The following RIN2 variants were observed in gnomAD, a reference collection of about 807,000 sequenced individuals.
RIN2 encodes Ras and Rab interactor 2, also known as RAB5 interacting protein 2.
RIN2 carries 36 observed loss-of-function variants against 78.0 expected under a neutral mutation model. The ratio of observed to expected loss-of-function variants is 0.46; its 90% CI spans 0.35 to 0.61. The LOEUF (loss-of-function observed/expected upper bound fraction) is 0.61, where lower values mean the gene tolerates loss of function less well. Among genes scored for constraint, RIN2 ranks in the 20% least tolerant of loss-of-function variants. The pLI is 0.00. For missense variants in RIN2, 1,087 were observed against 1,159.7 expected, an observed-to-expected ratio of 0.94 and a Z score of 0.91; for synonymous variants, 466 against 466.8, an observed-to-expected ratio of 1.00 and a Z score of 0.02.
chr20:19,982,795 C>T (rs962177293), intron 9 of RIN2, among the ~76,000 whole-genome samples: 3 of 152,158 alleles, frequency 2.0e-5, no homozygotes, highest in Non-Finnish European at 2.9e-5. Flanking sequence ...AATTGATGCC[C>T]GTCCACCTCC....
chr20:19,904,409 G>C (rs2039131103), intron 3 of RIN2, among the ~76,000 whole-genome samples: 1 of 151,978 alleles, frequency 6.6e-6, no homozygotes, highest in Admixed American at 6.6e-5. Context: ...ATGCGGTGCT[G>C]GGGGAAGCAA....
At chr20:19,855,119 T>A (rs2037122969) in intron 2 of RIN2, among the ~76,000 whole-genome samples, 1 of 152,242 alleles carries the variant, frequency 6.6e-6, no homozygotes, top group South Asian at 2.1e-4. Context: ...AAAGGCCTTT[T>A]CTGCATCTAT....
chr20:19,960,914 C>T (rs2146258935), intron 6 of RIN2, 103 bp downstream of exon 6: 2 of 696,288 alleles, frequency 2.9e-6, no homozygotes, highest in Middle Eastern at 2.7e-4. Context: ...CAGATATGGG[C>T]CTGAGTCTTG....
At chr20:19,903,343 C>T (rs2039071992) in intron 3 of RIN2, among the ~76,000 whole-genome samples, 1 of 152,120 alleles carries the variant, frequency 6.6e-6, no homozygotes, top group African/African-American at 2.4e-5. Context: ...GTGGTTTCAG[C>T]ATCCTGGTTT....
At chr20:19,923,454 T>TAAAATAAAATAAA (rs1443098771) in intron 3 of RIN2, among the ~76,000 whole-genome samples, 2 of 128,482 alleles carry the variant, frequency 1.6e-5, no homozygotes, top group African/African-American at 6.9e-5. Context: ...TAAAATAAAA[T>TAAAATAAAATAAA]AAAATAAAAT....
rs375646226 is a variant in RIN2, at chr20:19,964,331, A to G, written c.464-621A>G. 1.8e-4 allele frequency among the ~76,000 whole-genome samples: 27 copies of G among 152,038 alleles called. No homozygotes were observed. In the East Asian group the frequency reaches 5.2e-3, roughly 29 times the overall value. On this transcript the variant is annotated intron_variant, in intron 6 of 12. Coordinates refer to ENST00000255006, the MANE Select transcript of RIN2 (RefSeq NM_018993.4). ...CGCTATAATGCCCAGACTGGTCTCA[A>G]ACTCCTGGGCTCAAGAGATCTCCCT...
chr20:19,865,662 T>G (rs1012494722), intron 2 of RIN2, among the ~76,000 whole-genome samples: 2 of 151,936 alleles, frequency 1.3e-5, no homozygotes, highest in African/African-American at 4.8e-5. Flanking sequence ...TAATTTTTAT[T>G]TTTTATTTTT....
At chr20:19,761,828 A>C (rs1208563222) in intron 1 of RIN2, among the ~76,000 whole-genome samples, 1 of 152,182 alleles carries the variant, frequency 6.6e-6, no homozygotes, top group Non-Finnish European at 1.5e-5. Flanking sequence ...CAGCCTCTGG[A>C]GAGCACTGCC....
chr20:19,949,649 T>A (rs996391022), intron 4 of RIN2, among the ~76,000 whole-genome samples: 3 of 152,226 alleles, frequency 2.0e-5, no homozygotes, highest in African/African-American at 7.2e-5. Flanking sequence ...ATTTGCAAGG[T>A]CAAAGTGTAC....
At chr20:19,961,840 C>T (rs778921260) in intron 6 of RIN2, among the ~76,000 whole-genome samples, 4 of 152,008 alleles carry the variant, frequency 2.6e-5, no homozygotes, top group Non-Finnish European at 5.9e-5. Flanking sequence ...CACAAGCAGG[C>T]GGAACCCAGC....
rs869169793 is a variant in RIN2, at chr20:19,844,698, C to CTCTTCTTCT, written c.-36-44830_-36-44822dup. Among the ~76,000 whole-genome samples the CTCTTCTTCT allele has an allele frequency of 7.3e-3, 193 of 26,322 alleles. 4 individuals are homozygous for CTCTTCTTCT. Among genetic ancestry groups the CTCTTCTTCT allele is most frequent in the African/African-American group, 9.9e-3 (86 of 8,684 alleles). 17.3% of individuals were successfully genotyped at this position (26,322 alleles called of 152,430 possible). Reference sequence around the variant, plus strand: ...CTTCTTCTTCTTCCTCTTCCTCTTCCTCTTCTTCTTCTTCTTCTTCTTCTT... The same window carrying CTCTTCTTCT: ...CTTCTTCTTCTTCCTCTTCCTCTTCCTCTTCTTCTTCTTCTTCTTCTTCTTCTTCTTCTT... On this transcript the variant is annotated intron_variant, in intron 2 of 12. Coordinates refer to ENST00000255006, the MANE Select transcript of RIN2 (RefSeq NM_018993.4).
chr20:19,999,324 C>T (rs2043070088), intron 12 of RIN2, among the ~76,000 whole-genome samples: 1 of 152,154 alleles, frequency 6.6e-6, no homozygotes, highest in African/African-American at 2.4e-5. Flanking sequence ...GGGCACCTCC[C>T]ACTAGCTCAC....
At chr20:19,851,507 G>C (rs924303504) in intron 2 of RIN2, among the ~76,000 whole-genome samples, 3 of 152,142 alleles carry the variant, frequency 2.0e-5, no homozygotes, top group Non-Finnish European at 4.4e-5. Context: ...AAGATTGCTT[G>C]AGGCCAGAAG....
chr20:19,823,474 C>T, intron 2 of RIN2: 1 of 803,564 alleles, frequency 1.2e-6, no homozygotes, highest in Non-Finnish European at 2.2e-6. Flanking sequence ...TACAGCACCA[C>T]TGTTGATGTC....
intron 2 of RIN2, among the ~76,000 whole-genome samples, chr20:19,845,701 TC>T (rs1452983289): frequency 2.0e-5 from 3 of 152,194 alleles, no homozygotes; most frequent in African/African-American, 7.2e-5. Flanking sequence ...GATGATAGTT[TC>T]TTTTGCTGTG....
chr20:19,921,481 G>C (rs1228677035), intron 3 of RIN2, among the ~76,000 whole-genome samples: 1 of 152,182 alleles, frequency 6.6e-6, no homozygotes, highest in Non-Finnish European at 1.5e-5. Flanking sequence ...AGGCGGAGAG[G>C]GAAGAGCACT....
rs560636533 is a variant in RIN2, at chr20:19,975,256, G to T, written c.1231G>T (p.Ala411Ser). 9 of 1,582,600 alleles carry T rather than the reference G, an allele frequency of 5.7e-6. No individual in the cohort carries two copies. Residue 411 changes from alanine (A) to serine (S), a missense_variant, in exon 9 of 13, where the codon GCC becomes TCC. Ala to Ser is a moderately conservative substitution (Grantham distance 99). Transcript: ENST00000255006. The surrounding 1 kb of genome is among the most constrained non-coding windows in gnomAD (Gnocchi z 4.9). ...GGCCGCCCCGGGGGATTGCACAAGG[G>T]CCCCGCCGCCCAGCTCTGAATCACG... ...PEAAPGDCTR[A>S]PPPSSESRPP...
intron 2 of RIN2, among the ~76,000 whole-genome samples, chr20:19,844,168 A>T (rs906877089): frequency 2.0e-5 from 3 of 152,166 alleles, no homozygotes; most frequent in Non-Finnish European, 4.4e-5. Context: ...GCAAGATTGG[A>T]AACAGTTTGT....
chr20:19,759,651 G>A (rs1443167844), intron 1 of RIN2, among the ~76,000 whole-genome samples: 2 of 152,142 alleles, frequency 1.3e-5, no homozygotes, highest in South Asian at 2.1e-4. Context: ...GATCACTTGA[G>A]GTCAGGAGTT....
Sources: gnomAD v4.1 joint callset for allele counts (sites outside exome capture counted in the v4.1 genomes callset) on GRCh38, gnomAD v4.1.1 for gene constraint, Gnocchi (gnomAD v3.1) non-coding constraint, MANE v1.5 for transcripts, NCBI Gene and HGNC (gene_info 2026-07-23, HGNC 2026-07-21) for gene names.